Variants in F12 observed in about 807,000 individuals in gnomAD.
The protein encoded by F12 is Hageman factor.
Under a neutral mutation model 74.8 loss-of-function variants are expected in F12, and 70 were observed. The observed-to-expected ratio is 0.94, with a 90% confidence interval of 0.77 to 1.14. The LOEUF is 1.14. Ranked by LOEUF, F12 falls within the 50% of genes most tolerant of loss-of-function variation. The probability of loss-of-function intolerance (pLI) is 0.00; values close to 1 mark genes in which losing one functional copy is unlikely to be tolerated. For missense variants in F12, 811 were observed against 835.7 expected, an observed-to-expected ratio of 0.97 and a Z score of 0.36; for synonymous variants, 373 against 356.4, an observed-to-expected ratio of 1.05 and a Z score of -0.52.
rs1561640005 is a variant in F12, at chr5:177,403,248, G to T, written c.1531+6C>A. On this transcript the variant is annotated splice_donor_region_variant and intron_variant, in intron 12 of 13. Coordinates refer to ENST00000253496, the MANE Select transcript of F12 (RefSeq NM_000505.4). ...CCCTACCCCTGCCCCTAGCAGTTGTGCCTACCCTCGAACTGGTGGCCCCAG... is the reference window on the plus strand; with the variant it reads ...CCCTACCCCTGCCCCTAGCAGTTGTTCCTACCCTCGAACTGGTGGCCCCAG... 6.2e-7 allele frequency: 1 copy of T among 1,600,466 alleles called. No homozygotes were observed. The highest frequency in any genetic ancestry group is 8.5e-7 in the Non-Finnish European group (1 of 1,179,822).
Position 177,404,341 on chromosome 5 carries a change from G to C in F12, c.873C>G (p.Asp291Glu). The C allele has an allele frequency of 2.5e-6, 4 of 1,611,158 alleles. No individual in the cohort carries two copies. Among genetic ancestry groups the C allele is most frequent in the African/African-American group, 2.7e-5 (2 of 75,012 alleles). ...NRDRLSWEYC[D>E]LAQCQTPTQA... ...GGGTTGGGGTCTGGCACTGTGCCAG[G>C]TCGCAGTACTCCCAGCTCAGCCGGT... The change falls in exon 9 of 14, where the codon GAC (aspartate) becomes GAG (glutamate). Residue 291 changes from aspartate (D) to glutamate (E), a missense_variant. Asp to Glu is a conservative substitution (Grantham distance 45). Coordinates refer to ENST00000253496, the MANE Select transcript of F12 (RefSeq NM_000505.4).
chr5:177,404,997 C>T, intron 6 of F12, 57 bp downstream of exon 6: 1 of 1,598,872 alleles, frequency 6.3e-7, no homozygotes, highest in Non-Finnish European at 8.5e-7. Context: ...CACCCGGCCT[C>T]CTGCCAGCCT....
chr5:177,408,901 C>T (rs750166610), intron 2 of F12, 145 bp downstream of exon 2: 17 of 813,372 alleles, frequency 2.1e-5, no homozygotes, highest in African/African-American at 3.4e-5. Context: ...CCTCAAGGAT[C>T]ACACAGCTCA....
rs1471479976 is a variant in F12, at chr5:177,403,931, C to T, written c.1178G>A (p.Gly393Asp). The T allele has an allele frequency of 6.3e-7, 1 of 1,598,962 alleles. No homozygotes were observed. Among genetic ancestry groups the T allele is most frequent in the African/African-American group, 1.3e-5 (1 of 74,974 alleles). The change falls in exon 10 of 14, where the codon GGC (glycine) becomes GAC (aspartate). Residue 393 changes from glycine to aspartate, a missense_variant. Physicochemically the swap from Gly to Asp is moderately conservative, Grantham distance 94. Transcript: ENST00000253496. Reference sequence around the variant, plus strand: ...GAGGCTGCCGGCGCAGAAACTGTGGCCCCAGTACAGCGCGGCGATGTAGGG... The same window carrying T: ...GAGGCTGCCGGCGCAGAAACTGTGGTCCCAGTACAGCGCGGCGATGTAGGG... ...AHPYIAALYW[G>D]HSFCAGSLIA...
In F12 at chr5:177,404,386, C is replaced by T. The variant is rs1763230452; in HGVS notation, c.828G>A (p.Trp276Ter). The change falls in exon 9 of 14, where the codon TGG (tryptophan) becomes TGA (stop). Residue 276 changes from tryptophan (W) to a stop codon, truncating the protein, a stop_gained. Transcript: ENST00000253496. LOFTEE classifies it high-confidence loss of function. The stretch of plus-strand genomic sequence containing the variant: ...GCCGGTCGCGGTTCAGCACGAAGCA[C>T]CACGGGCGGATGTCGTTGTCCGGGT... The part of the protein sequence containing the change: ...CRNPDNDIRP[W>*]CFVLNRDRLS... 5.0e-6 allele frequency: 8 copies of T among 1,612,002 alleles called. No individual in the cohort carries two copies. Among genetic ancestry groups the T allele is most frequent in the Non-Finnish European group, 6.8e-6 (8 of 1,179,722 alleles).
chr5:177,405,638 G>C, intron 4 of F12, 97 bp downstream of exon 4: 1 of 1,329,860 alleles, frequency 7.5e-7, no homozygotes, highest in Non-Finnish European at 1.1e-6. Context: ...GAAGGGGCTG[G>C]GTCCAGAATC....
rs557334453 is a variant in F12 at position 177,405,003 on chromosome 5, A to G, written c.529+51T>C. On this transcript the variant is annotated intron_variant, in intron 6 of 13. Transcript: ENST00000253496. ...CTGGCACACCACCCGGCCTCCTGCC[A>G]GCCTGTCTTCCTGACGCTCCTCCCT... 204 of 1,602,348 alleles carry G rather than the reference A, an allele frequency of 1.3e-4. 1 individual carries two copies. In the East Asian group the frequency reaches 4.5e-3, roughly 35 times the overall value.
Position 177,403,243 on chromosome 5 carries a change from G to C in F12, c.1531+11C>G. ...TCCTCCCCTACCCCTGCCCCTAGCA[G>C]TTGTGCCTACCCTCGAACTGGTGGC... On this transcript the variant is annotated intron_variant, in intron 12 of 13. Coordinates refer to ENST00000253496, the MANE Select transcript of F12 (RefSeq NM_000505.4). 1 of 1,600,442 alleles carries C rather than the reference G, an allele frequency of 6.2e-7. No individual in the cohort carries two copies. The highest frequency in any genetic ancestry group is 8.5e-7 in the Non-Finnish European group (1 of 1,179,818).
In F12 at chr5:177,409,487, A is replaced by C; in HGVS notation, c.41T>G (p.Leu14Trp). The C allele has an allele frequency of 2.5e-6, 4 of 1,614,066 alleles. No individual in the cohort carries two copies. Among genetic ancestry groups the C allele is most frequent in the Non-Finnish European group, 3.4e-6 (4 of 1,180,008 alleles). ...AGCACTCACCGAAAGTGTTGACTCC[A>C]AGCTCACCAGCAGGAACCCCAGGAG... ...LLLLGFLLVSLESTLSIPPWE... is the reference protein window; with the variant it reads ...LLLLGFLLVSWESTLSIPPWE... The change falls in exon 1 of 14, where the codon TTG (leucine) becomes TGG (tryptophan). Residue 14 changes from leucine (L) to tryptophan (W), a missense_variant. Leu to Trp is a moderately conservative substitution (Grantham distance 61). Coordinates refer to ENST00000253496, the MANE Select transcript of F12 (RefSeq NM_000505.4).
At chr5:177,402,834 G>A (rs932001892) in intron 12 of F12, 136 bp from the exon 13 acceptor site, 90 of 1,261,626 alleles carry the variant, frequency 7.1e-5, no homozygotes, top group Non-Finnish European at 7.8e-6. Context: ...GGGAGGAGGT[G>A]CCATTAATTC....
chr5:177,404,788 C>T (rs994363551), intron 7 of F12, 22 bp downstream of exon 7: 4 of 1,592,952 alleles, frequency 2.5e-6, no homozygotes, highest in Non-Finnish European at 3.4e-6. Context: ...TGGCCTTCTG[C>T]TTGCCCCAGA....
In F12 at chr5:177,402,174, C is replaced by T. The variant is rs1763147112; in HGVS notation, c.*118G>A. 9.1e-6 allele frequency: 12 copies of T among 1,317,474 alleles called. No homozygotes were observed. The highest frequency in any genetic ancestry group is 6.3e-5 in the South Asian group (5 of 79,912). 81.6% of individuals were successfully genotyped at this position (1,317,474 alleles called of 1,614,324 possible). On this transcript the variant is annotated 3_prime_UTR_variant, in exon 14 of 14. Coordinates refer to ENST00000253496, the MANE Select transcript of F12 (RefSeq NM_000505.4). ...TTCAAAGCACTTTATTGAGTTCCTG[C>T]GCCATCCTGGCGCGGAGCTGGCCGC...
rs751557350 is a variant in F12, at chr5:177,404,178, C to G, written c.1018+18G>C. The G allele has an allele frequency of 7.8e-6, 11 of 1,404,222 alleles. No individual in the cohort carries two copies. In the East Asian group the frequency reaches 2.7e-4, roughly 34 times the overall value. 87.0% of individuals were successfully genotyped at this position (1,404,222 alleles called of 1,614,324 possible). On this transcript the variant is annotated intron_variant, in intron 9 of 13. Coordinates refer to ENST00000253496, the MANE Select transcript of F12 (RefSeq NM_000505.4). ...CCGGCGCCCTCTCGGCTCCTCCTTC[C>G]CCCCCCCACTTCCTAACCTCCCGGG...
At position 177,409,534 on chromosome 5, in the gene F12, C is replaced by G; in HGVS notation, c.-7G>C. On this transcript the variant is annotated 5_prime_UTR_variant, in exon 1 of 14. Transcript: ENST00000253496. ...GGAGCAGCAGAGCCCTCATGGCATC[C>G]GTCCGTTGGTCCAGCTGCCTATCCA... 6.2e-7 allele frequency: 1 copy of G among 1,613,966 alleles called. No homozygotes were observed. Among genetic ancestry groups the G allele is most frequent in the Non-Finnish European group, 8.5e-7 (1 of 1,179,926 alleles).
At chr5:177,404,711 G>A in intron 7 of F12, 47 bp from the exon 8 acceptor site, 1 of 1,604,984 alleles carries the variant, frequency 6.2e-7, no homozygotes, top group Non-Finnish European at 8.5e-7. Flanking sequence ...GGGCTCTCCT[G>A]CCTCCCTCTC....
At chr5:177,405,710 C>A in intron 4 of F12, 25 bp downstream of exon 4, 1 of 1,610,312 alleles carries the variant, frequency 6.2e-7, no homozygotes, top group South Asian at 1.1e-5. Context: ...GAGCCCCAGG[C>A]CACCCCAGAG....
chr5:177,406,787 C>A (rs1763307137), intron 2 of F12, among the ~76,000 whole-genome samples: 1 of 152,146 alleles, frequency 6.6e-6, no homozygotes. Context: ...TTTGTAACTC[C>A]CAAGTCAATA....
chr5:177,406,222 C>T (rs915483630), intron 2 of F12, among the ~76,000 whole-genome samples, 161 bp from the exon 3 acceptor site: 1 of 152,216 alleles, frequency 6.6e-6, no homozygotes. Context: ...GGCGCGGTGG[C>T]TCAAGCCTGT....
chr5:177,405,069 G>A lies in F12; in HGVS notation c.514C>T (p.Arg172Trp), dbSNP rs761084613. Residue 172 changes from arginine to tryptophan, a missense_variant, in exon 6 of 14, where the codon CGG (arginine) becomes TGG (tryptophan). By Grantham distance (101) the Arg-to-Trp change is moderately radical. Transcript: ENST00000253496. ...QCKGPDAHCQ[R>W]LASQACRTNP... is the part of the protein sequence containing the mutation. ...ATCTGCTCACCCTGGCTGGCCAGCC[G>A]CTGGCAGTGGGCATCAGGACCCTTG... The A allele has an allele frequency of 3.5e-5, 57 of 1,612,766 alleles. No homozygotes were observed. The South Asian group carries it at 5.2e-4, about 15-fold the overall frequency.
Sources: allele counts gnomAD v4.1 joint callset (sites outside exome capture counted in the v4.1 genomes callset), GRCh38; gene constraint gnomAD v4.1.1; transcripts MANE v1.5; gene names NCBI Gene and HGNC (gene_info 2026-07-23, HGNC 2026-07-21).